Variants in PSMF1 observed in about 807,000 individuals in gnomAD.
The protein encoded by PSMF1 is proteasome inhibitor PI31 subunit.
In PSMF1, 30 loss-of-function variants were observed where a neutral mutation model predicts 29.3. The observed-to-expected ratio is 1.02, with a 90% CI of 0.77 to 1.39. The LOEUF (loss-of-function observed/expected upper bound fraction) is 1.39. PSMF1 is among the 40% of genes most tolerant of loss of function. PSMF1 has a pLI of 0.00. For synonymous variants in PSMF1, 134 were observed against 139.7 expected, an observed-to-expected ratio of 0.96 and a Z score of 0.29; for missense variants, 344 against 357.5, an observed-to-expected ratio of 0.96 and a Z score of 0.31.
At chr20:1,138,582 G>A (rs1306726323) in intron 4 of PSMF1, among the ~76,000 whole-genome samples, 1 of 150,028 alleles carries the variant, frequency 6.7e-6, no homozygotes, top group East Asian at 2.0e-4. Context: ...TAGAAAAATA[G>A]CATTTGACAA....
At position 1,118,627 on chromosome 20, in the gene PSMF1, G is replaced by A; in HGVS notation, c.-147G>A. On this transcript the variant is annotated 5_prime_UTR_variant, in exon 1 of 7. Coordinates refer to ENST00000335877, the MANE Select transcript of PSMF1 (RefSeq NM_006814.5). ...GGCTTCCCCGCCCCGCCCCGTCCCCGGGCGTCTCCATTTTGGTCTCAGGTG... is the reference window on the plus strand; with the variant it reads ...GGCTTCCCCGCCCCGCCCCGTCCCCAGGCGTCTCCATTTTGGTCTCAGGTG... 1.0e-6 allele frequency: 1 copy of A among 967,838 alleles called. No homozygotes were observed. The highest frequency in any genetic ancestry group is 1.4e-6 in the Non-Finnish European group (1 of 689,932). The allele number at this position is 967,838 out of a possible 1,614,324, so 60.0% of individuals were successfully genotyped here.
chr20:1,126,601 G>A (rs1448866170), intron 2 of PSMF1, among the ~76,000 whole-genome samples: 1 of 152,134 alleles, frequency 6.6e-6, no homozygotes, highest in African/African-American at 2.4e-5. Flanking sequence ...TCACCCAGGC[G>A]CAGTGGCTCG....
chr20:1,126,000 A>C (rs1189128388), intron 2 of PSMF1: 3 of 465,444 alleles, frequency 6.4e-6, no homozygotes, highest in Non-Finnish European at 1.3e-5. Context: ...GAGCCCTTGC[A>C]CTTTACATTT....
intron 1 of PSMF1, among the ~76,000 whole-genome samples, chr20:1,123,654 G>T (rs6032895): frequency 0.12 from 17,940 of 152,122 alleles, 1,180 homozygotes; most frequent in African/African-American, 0.16. Flanking sequence ...CTTAGCCAAG[G>T]CTATAATGAA....
At chr20:1,120,898 C>T (rs1213954531) in intron 1 of PSMF1, among the ~76,000 whole-genome samples, 1 of 152,148 alleles carries the variant, frequency 6.6e-6, no homozygotes, top group Non-Finnish European at 1.5e-5. Flanking sequence ...TTCTAGAGGG[C>T]GTGTCTGATA....
chr20:1,146,216 G>T (rs2086447634), intron 4 of PSMF1, among the ~76,000 whole-genome samples: 1 of 151,762 alleles, frequency 6.6e-6, no homozygotes, highest in Non-Finnish European at 1.5e-5. Flanking sequence ...CCTGAGTTGT[G>T]TCTTCACCGG....
intron 4 of PSMF1, among the ~76,000 whole-genome samples, chr20:1,159,966 G>A (rs1382180973): frequency 2.0e-5 from 3 of 152,170 alleles, no homozygotes; most frequent in Non-Finnish European, 4.4e-5. Flanking sequence ...TGGCAGGAAC[G>A]TGCCAGTGCC....
In PSMF1 at chr20:1,169,791, A is replaced by G. The variant is rs908247021; in HGVS notation, c.*4711A>G. Among the ~76,000 whole-genome samples the G allele has an allele frequency of 5.9e-5, 9 of 152,278 alleles. No individual in the cohort carries two copies. The highest frequency in any genetic ancestry group is 1.7e-4 in the African/African-American group (7 of 41,552). On this transcript the variant is annotated 3_prime_UTR_variant, in exon 7 of 7. Coordinates refer to ENST00000335877, the MANE Select transcript of PSMF1 (RefSeq NM_006814.5). ...AATGCGTCTGGTTGTTGGAACCTAC[A>G]TGGCCTCTCAAATGGTACTGGCATG...
intron 4 of PSMF1, among the ~76,000 whole-genome samples, chr20:1,153,335 C>T (rs752213113): frequency 1.3e-5 from 2 of 152,180 alleles, no homozygotes; most frequent in South Asian, 4.2e-4. Flanking sequence ...CAGTTCCTTG[C>T]GGTTATAAGA....
At chr20:1,146,200 G>T (rs2086447267) in intron 4 of PSMF1, among the ~76,000 whole-genome samples, 1 of 152,084 alleles carries the variant, frequency 6.6e-6, no homozygotes, top group Admixed American at 6.5e-5. Flanking sequence ...CTACTTGGAA[G>T]TGCTGCCTGA....
Position 1,165,974 on chromosome 20 carries a change from G to A in PSMF1, c.*894G>A, listed in dbSNP as rs2086724590. On this transcript the variant is annotated 3_prime_UTR_variant, in exon 7 of 7. Coordinates refer to ENST00000335877, the MANE Select transcript of PSMF1 (RefSeq NM_006814.5). ...TGGCTTTCCTGCTCTAAAGCATTTT[G>A]ATGTCTCATTCTGTGTTTGGTAACC... is the stretch of plus-strand genomic sequence containing the variant. The A allele has an allele frequency of 7.2e-7, 1 of 1,392,746 alleles. No homozygotes were observed. Among genetic ancestry groups the A allele is most frequent in the Non-Finnish European group, 9.3e-7 (1 of 1,072,984 alleles). 86.3% of individuals were successfully genotyped at this position (1,392,746 alleles called of 1,614,324 possible).
intron 4 of PSMF1, among the ~76,000 whole-genome samples, chr20:1,153,377 T>G (rs1312530672): frequency 6.6e-6 from 1 of 152,168 alleles, no homozygotes; most frequent in African/African-American, 2.4e-5. Flanking sequence ...CTCAGCTCCA[T>G]AAGACCTTCT....
chr20:1,132,108 A>G (rs1044821763), intron 3 of PSMF1, among the ~76,000 whole-genome samples: 1 of 152,032 alleles, frequency 6.6e-6, no homozygotes, highest in Non-Finnish European at 1.5e-5. Context: ...GTTCTTTTCC[A>G]TTGATCTCTA....
At position 1,166,035 on chromosome 20, in the gene PSMF1, C is replaced by A; in HGVS notation, c.*955C>A. 1 of 1,456,002 alleles carries A rather than the reference C, an allele frequency of 6.9e-7. No homozygotes were observed. Among genetic ancestry groups the A allele is most frequent in the Non-Finnish European group, 9.1e-7 (1 of 1,102,168 alleles). 90.2% of individuals were successfully genotyped at this position (1,456,002 alleles called of 1,614,324 possible). ...GGGGCAGAGGAAAAGAATGATGGTTCAAGGCCATACTTCCCTTGAACCTTG... is the reference window on the plus strand; with the variant it reads ...GGGGCAGAGGAAAAGAATGATGGTTAAAGGCCATACTTCCCTTGAACCTTG... On this transcript the variant is annotated 3_prime_UTR_variant, in exon 7 of 7. Transcript: ENST00000335877.
At chr20:1,118,473 C>T (rs2086034488), upstream of PSMF1, 1 of 278,276 alleles carries the variant, frequency 3.6e-6, no homozygotes, top group African/African-American at 2.2e-5. Flanking sequence ...CGACTGCCGC[C>T]AAGACCCGGC....
upstream of PSMF1, among the ~76,000 whole-genome samples, chr20:1,115,402 C>A (rs1000818941): frequency 3.3e-5 from 5 of 152,198 alleles, no homozygotes; most frequent in African/African-American, 1.2e-4. Context: ...GGAGTAGGTA[C>A]ATTTGCTGTA....
Position 1,125,585 on chromosome 20 carries a change from G to A in PSMF1, c.217G>A (p.Asp73Asn), listed in dbSNP as rs756077901. ...GTATGTCCTCCGGTATGAGTATAAGGATGGGTCCAGAAAGCTCCTTGTGAA... is the reference window on the plus strand; with the variant it reads ...GTATGTCCTCCGGTATGAGTATAAGAATGGGTCCAGAAAGCTCCTTGTGAA... ...DLYVLRYEYK[D>N]GSRKLLVKAI... Residue 73 changes from aspartate to asparagine, a missense_variant, in exon 2 of 7, where the codon GAT becomes AAT. Physicochemically the swap from Asp to Asn is conservative, Grantham distance 23. Transcript: ENST00000335877. 3.7e-6 allele frequency: 6 copies of A among 1,614,104 alleles called. No homozygotes were observed. Among genetic ancestry groups the A allele is most frequent in the South Asian group, 3.3e-5 (3 of 91,074 alleles).
Position 1,163,623 on chromosome 20 carries a change from TCCA to T in PSMF1, c.605+441_605+443del, listed in dbSNP as rs2086693734. Among the ~76,000 whole-genome samples the T allele has an allele frequency of 6.6e-6, 1 of 152,234 alleles. No homozygotes were observed. The highest frequency in any genetic ancestry group is 1.5e-5 in the Non-Finnish European group (1 of 68,034). On this transcript the variant is annotated intron_variant, in intron 5 of 6. Transcript: ENST00000335877. This position sits in a 1 kb window ranked among gnomAD's most constrained non-coding sequence, Gnocchi z 6.1. ...CTATCCACTGTCTTCCCTGAATGAT[TCCA>T]AATAGATTTTAACCTCTGCTACAAA...
rs6032953 is a variant in PSMF1 at position 1,151,814 on chromosome 20, A to G, written c.552-11316A>G. 4.7e-3 allele frequency among the ~76,000 whole-genome samples: 712 copies of G among 152,354 alleles called. 6 individuals carry two copies. The highest frequency in any genetic ancestry group is 0.016 in the African/African-American group (659 of 41,580). On this transcript the variant is annotated intron_variant, in intron 4 of 6. Coordinates refer to ENST00000335877, the MANE Select transcript of PSMF1 (RefSeq NM_006814.5). ...CTGATGAGCTAAATTTTAAAGGACC[A>G]ATAAAAGTTCTGTGGTATTGAGGGT...
Sources: allele counts gnomAD v4.1 joint callset (sites outside exome capture counted in the v4.1 genomes callset), GRCh38; gene constraint gnomAD v4.1.1; non-coding constraint Gnocchi (gnomAD v3.1); transcripts MANE v1.5; gene names NCBI Gene and HGNC (gene_info 2026-07-23, HGNC 2026-07-21).